Variants in UNC13C observed in about 807,000 individuals in gnomAD.
UNC13C encodes protein unc-13 homolog C.
A neutral mutation model predicts 245.4 loss-of-function variants in UNC13C; 174 were observed. The ratio of observed to expected loss-of-function variants is 0.71; its 90% CI spans 0.63 to 0.80. The LOEUF (loss-of-function observed/expected upper bound fraction) is 0.80. Ranked by LOEUF, UNC13C falls within the 30% of genes least tolerant of loss-of-function variation. The pLI is 0.00. For missense variants in UNC13C, 2,829 were observed against 2,602.9 expected (o/e 1.09, Z -1.89); for synonymous variants, 992 against 895.1 (o/e 1.11, Z -1.93).
At chr15:54,633,125 A>C (rs1901487200), downstream of UNC13C, 1 of 152,196 alleles carries the variant, frequency 6.6e-6, no homozygotes, top group Non-Finnish European at 1.5e-5. Context: ...AGATCACGCC[A>C]TTGCACTCCA....
chr15:54,113,700 C>A (rs1417846660), intron 2 of UNC13C, among the ~76,000 whole-genome samples: 1 of 152,052 alleles, frequency 6.6e-6, no homozygotes, highest in Non-Finnish European at 1.5e-5. Flanking sequence ...GTGGCACAAG[C>A]CTGTTGTCCC....
chr15:54,477,173 T>G lies in UNC13C; in HGVS notation c.4934-17435T>G, dbSNP rs1383145390. 3.4e-5 allele frequency among the ~76,000 whole-genome samples: 4 copies of G among 118,916 alleles called. No individual in the cohort carries two copies. The East Asian group carries it at 1.2e-3, about 37-fold the overall frequency. The allele number at this position is 118,916 out of a possible 152,430, so 78.0% of individuals were successfully genotyped here. On this transcript the variant is annotated intron_variant, in intron 19 of 32. Coordinates refer to ENST00000260323, the MANE Select transcript of UNC13C (RefSeq NM_001080534.3). ...ACATTGATTTTGTATCCTGAGACTT[T>G]GCTGAAGTTGCTTATCTGCTTAAGG...
chr15:53,948,507 A>C, the UNC13C span: 1 of 152,068 alleles, frequency 6.6e-6, no homozygotes, highest in Admixed American at 6.6e-5. Context: ...CCAACTATTC[A>C]GGAAGCTGAG....
intron 17 of UNC13C, among the ~76,000 whole-genome samples, chr15:54,351,180 C>T (rs1002013959): frequency 6.6e-6 from 1 of 151,972 alleles, no homozygotes; most frequent in Non-Finnish European, 1.5e-5. Context: ...TTGTTTGACT[C>T]TAGTATTTCC....
At chr15:54,515,899 A>C (rs1894953394) in intron 24 of UNC13C, among the ~76,000 whole-genome samples, 2 of 152,174 alleles carry the variant, frequency 1.3e-5, no homozygotes, top group Admixed American at 6.5e-5. Flanking sequence ...ATGGTGGTAA[A>C]ATTTCCCATG....
chr15:53,896,304 A>G, the UNC13C span, among the ~76,000 whole-genome samples: 1 of 152,186 alleles, frequency 6.6e-6, no homozygotes, highest in African/African-American at 2.4e-5. Context: ...AGTGACAGTA[A>G]GGCAAGATCT....
the UNC13C span, among the ~76,000 whole-genome samples, chr15:53,906,583 G>T: frequency 6.6e-6 from 1 of 152,210 alleles, no homozygotes; most frequent in Non-Finnish European, 1.5e-5. Flanking sequence ...ATCTTTCCTA[G>T]CCAAGGGATC....
intron 4 of UNC13C, among the ~76,000 whole-genome samples, chr15:54,228,847 C>T (rs1013490878): frequency 6.6e-6 from 1 of 152,168 alleles, no homozygotes; most frequent in Non-Finnish European, 1.5e-5. Context: ...TACAAAGTCT[C>T]CCTGAGCCAC....
chr15:54,432,363 G>A (rs1319459219), intron 19 of UNC13C, among the ~76,000 whole-genome samples: 1 of 151,592 alleles, frequency 6.6e-6, no homozygotes, highest in Non-Finnish European at 1.5e-5. Context: ...AGTGATTTTT[G>A]TGCCAAGATT....
intron 10 of UNC13C, among the ~76,000 whole-genome samples, chr15:54,271,384 T>C (rs74013589): frequency 0.025 from 3,836 of 152,342 alleles, 156 homozygotes; most frequent in African/African-American, 0.088. Flanking sequence ...TAATTAATTA[T>C]GACCTTCAAT....
intron 19 of UNC13C, among the ~76,000 whole-genome samples, chr15:54,450,836 C>G (rs12439254): frequency 6.6e-6 from 1 of 152,146 alleles, no homozygotes; most frequent in East Asian, 1.9e-4. Flanking sequence ...GTTGGAAATG[C>G]AGAAATCACC....
intron 10 of UNC13C, among the ~76,000 whole-genome samples, chr15:54,274,691 A>C (rs1261743191): frequency 4.1e-5 from 1 of 24,308 alleles, no homozygotes; most frequent in Admixed American, 5.3e-4. Flanking sequence ...TTTTTTTTTG[A>C]GACGGAGTCT....
At chr15:54,615,615 G>C (rs987829204) in intron 30 of UNC13C, among the ~76,000 whole-genome samples, 1 of 152,064 alleles carries the variant, frequency 6.6e-6, no homozygotes, top group African/African-American at 2.4e-5. Flanking sequence ...GAATAGATTT[G>C]AGAGATGCTG....
chr15:54,406,709 G>A (rs781730614), intron 18 of UNC13C, among the ~76,000 whole-genome samples: 14 of 152,122 alleles, frequency 9.2e-5, no homozygotes, highest in Admixed American at 3.3e-4. Flanking sequence ...CACCAATCCT[G>A]TCACTAATTC....
At chr15:54,261,752 G>C (rs2036432984) in intron 8 of UNC13C, among the ~76,000 whole-genome samples, 1 of 152,096 alleles carries the variant, frequency 6.6e-6, no homozygotes, top group Admixed American at 6.6e-5. Context: ...CACCATGTTA[G>C]CCAGATGGTC....
intron 14 of UNC13C, among the ~76,000 whole-genome samples, chr15:54,325,278 A>G (rs2038268521): frequency 6.6e-6 from 1 of 151,828 alleles, no homozygotes; most frequent in South Asian, 2.1e-4. Flanking sequence ...ACATACACAC[A>G]CTTACACACA....
downstream of UNC13C, chr15:54,631,490 T>C (rs1007346751): frequency 3.8e-4 from 58 of 152,248 alleles, no homozygotes; most frequent in African/African-American, 1.4e-3. Context: ...AATTCCACGT[T>C]ACCACTTTAT....
chr15:53,854,122 G>GTTTTTTTTT, the UNC13C span, among the ~76,000 whole-genome samples: 28 of 133,570 alleles, frequency 2.1e-4, 4 homozygotes, highest in East Asian at 4.4e-4. Context: ...GTTTTTATAG[G>GTTTTTTTTT]TTTTTTTTTT....
At chr15:54,528,278 C>G (rs1296649131) in intron 25 of UNC13C, among the ~76,000 whole-genome samples, 1 of 150,602 alleles carries the variant, frequency 6.6e-6, no homozygotes, top group African/African-American at 2.4e-5. Context: ...ACTAGGGTTT[C>G]TGCTTACACA....
Sources: gnomAD v4.1 joint callset for allele counts (sites outside exome capture counted in the v4.1 genomes callset) on GRCh38, gnomAD v4.1.1 for gene constraint, MANE v1.5 for transcripts, NCBI Gene and HGNC (gene_info 2026-07-23, HGNC 2026-07-21) for gene names.